ALDH9A1: variants seen among roughly 807,000 people sequenced by gnomAD.
ALDH9A1 encodes aldehyde dehydrogenase 9 family member A1.
Under a neutral mutation model 56.6 loss-of-function variants are expected in ALDH9A1, and 42 were observed. The observed-to-expected ratio is 0.74, with a 90% confidence interval of 0.58 to 0.96. ALDH9A1 has a LOEUF of 0.96. ALDH9A1 is among the 40% of genes least tolerant of loss of function. The pLI is 0.00. For missense variants in ALDH9A1, 661 were observed against 651.5 expected, an observed-to-expected ratio of 1.01 and a Z score of -0.16; for synonymous variants, 242 against 236.0, an observed-to-expected ratio of 1.03 and a Z score of -0.23.
intron 2 of ALDH9A1, among the ~76,000 whole-genome samples, chr1:165,690,118 A>C (rs1370038019): frequency 1.3e-5 from 1 of 78,938 alleles, no homozygotes; most frequent in African/African-American, 4.5e-5. Context: ...TATAATATAG[A>C]ATATATGTAT....
At chr1:165,688,386 A>T (rs1649778568) in intron 2 of ALDH9A1, among the ~76,000 whole-genome samples, 1 of 152,262 alleles carries the variant, frequency 6.6e-6, no homozygotes, top group Non-Finnish European at 1.5e-5. Flanking sequence ...ATGACAGCAG[A>T]CAGATATCTG....
Position 165,682,049 on chromosome 1 carries a change from G to A in ALDH9A1, c.592+58C>T, listed in dbSNP as rs775817339. The A allele has an allele frequency of 1.9e-6, 3 of 1,594,054 alleles. No individual in the cohort carries two copies. The African/African-American group carries it at 4.0e-5, about 21-fold the overall frequency. On this transcript the variant is annotated intron_variant, in intron 4 of 10. Coordinates refer to ENST00000354775, the MANE Select transcript of ALDH9A1 (RefSeq NM_000696.4). ...AGAGGTGAAAGGTAGAGAATGGGGAGAGAACGAACGAGAGAATGAACGAAT... is the reference window on the plus strand; with the variant it reads ...AGAGGTGAAAGGTAGAGAATGGGGAAAGAACGAACGAGAGAATGAACGAAT...
At chr1:165,674,253 C>A (rs1474008260) in intron 6 of ALDH9A1, among the ~76,000 whole-genome samples, 1 of 142,426 alleles carries the variant, frequency 7.0e-6, no homozygotes, top group African/African-American at 2.6e-5. Flanking sequence ...GCCCCTGGGG[C>A]AGCTCTGCCT....
intron 5 of ALDH9A1, 104 bp from the exon 6 acceptor site, chr1:165,679,686 C>G: frequency 8.2e-7 from 1 of 1,222,284 alleles, no homozygotes; most frequent in East Asian, 2.3e-5. Flanking sequence ...CTGTTTGTGA[C>G]CTGTAGCCTT....
chr1:165,683,989 C>T (rs565112648), intron 2 of ALDH9A1, among the ~76,000 whole-genome samples: 23 of 152,276 alleles, frequency 1.5e-4, no homozygotes, highest in African/African-American at 5.5e-4. Flanking sequence ...CAAGAAGGAA[C>T]ATTCTGTTTA....
At chr1:165,668,285 G>A (rs1444624424) in intron 8 of ALDH9A1, among the ~76,000 whole-genome samples, 1 of 152,144 alleles carries the variant, frequency 6.6e-6, no homozygotes, top group Non-Finnish European at 1.5e-5. Context: ...GGGTCACGGG[G>A]CAAATCCCTC....
intron 1 of ALDH9A1, 92 bp from the exon 2 acceptor site, chr1:165,695,489 T>A: frequency 1.0e-4 from 30 of 290,314 alleles, no homozygotes; most frequent in Non-Finnish European, 1.4e-4. Context: ...GTAGTAGTCT[T>A]TTTTTTTTTT....
In ALDH9A1 at chr1:165,694,054, G is replaced by T. The variant is rs4576644; in HGVS notation, c.327+1198C>A. Among the ~76,000 whole-genome samples, 6 of 143,212 alleles carry T rather than the reference G, an allele frequency of 4.2e-5. No individual in the cohort carries two copies. In the South Asian group the frequency reaches 7.2e-4, roughly 17 times the overall value. 94.0% of individuals were successfully genotyped at this position (143,212 alleles called of 152,430 possible). On this transcript the variant is annotated intron_variant, in intron 2 of 10. Coordinates refer to ENST00000354775, the MANE Select transcript of ALDH9A1 (RefSeq NM_000696.4). ...CACAGGGTGGGGAACATCACACACC[G>T]GGGCCGTAGGGGGTGGGGGGCTGGG...
intron 6 of ALDH9A1, chr1:165,671,491 T>G (rs1055392390): frequency 2.7e-5 from 12 of 448,548 alleles, no homozygotes; most frequent in African/African-American, 1.8e-4. Context: ...AATAAAATCT[T>G]AAGAATTCTT....
At position 165,669,550 on chromosome 1, in the gene ALDH9A1, CACTAT is replaced by C. The variant is rs1649112882; in HGVS notation, c.931-105_931-101del. Reference sequence around the variant, plus strand: ...CTAAAAACTTTAAACTGAAAAGAGACACTATACATTTTTTAAAAGGATATTTCCAT... The same window carrying C: ...CTAAAAACTTTAAACTGAAAAGAGACACATTTTTTAAAAGGATATTTCCAT... On this transcript the variant is annotated intron_variant, in intron 6 of 10. Transcript: ENST00000354775. The C allele has an allele frequency of 4.8e-6, 5 of 1,040,656 alleles. No homozygotes were observed. In the African/African-American group the frequency reaches 8.2e-5, roughly 17 times the overall value. The allele number at this position is 1,040,656 out of a possible 1,614,324, so 64.5% of individuals were successfully genotyped here. A position where few individuals can be genotyped will look rare whatever the true frequency, so the allele number is the denominator to read the frequency against.
At chr1:165,695,147 A>G (rs1650030020) in intron 2 of ALDH9A1, 105 bp downstream of exon 2, 2 of 1,299,758 alleles carry the variant, frequency 1.5e-6, no homozygotes, top group East Asian at 5.2e-5. Context: ...TTTCCATTTT[A>G]TAAAAACGTT....
chr1:165,678,826 G>A (rs1649451015), intron 6 of ALDH9A1, among the ~76,000 whole-genome samples: 1 of 152,094 alleles, frequency 6.6e-6, no homozygotes, highest in Non-Finnish European at 1.5e-5. Flanking sequence ...CCAAACTAAG[G>A]AACATTCTAC....
At chr1:165,687,075 T>C (rs922422213) in intron 2 of ALDH9A1, among the ~76,000 whole-genome samples, 1 of 151,746 alleles carries the variant, frequency 6.6e-6, no homozygotes, top group East Asian at 1.9e-4. Flanking sequence ...GATAAAACAC[T>C]ATAGAAGACC....
At chr1:165,665,605 AC>A (rs1648983164) in intron 9 of ALDH9A1, among the ~76,000 whole-genome samples, 1 of 152,240 alleles carries the variant, frequency 6.6e-6, no homozygotes, top group African/African-American at 2.4e-5. Context: ...GATAAAAAAA[AC>A]AGAATTAGAA....
intron 2 of ALDH9A1, among the ~76,000 whole-genome samples, chr1:165,690,867 G>A (rs574967699): frequency 6.6e-6 from 1 of 152,194 alleles, no homozygotes; most frequent in African/African-American, 2.4e-5. Flanking sequence ...CAGGAAGCTC[G>A]AACCGAGTGG....
At chr1:165,694,417 A>T (rs1361520464) in intron 2 of ALDH9A1, among the ~76,000 whole-genome samples, 3 of 152,096 alleles carry the variant, frequency 2.0e-5, no homozygotes, top group Admixed American at 1.3e-4. Context: ...ATGTTTTGCG[A>T]TGAGTATTAA....
At position 165,690,121 on chromosome 1, in the gene ALDH9A1, ATATG is replaced by A. The variant is rs529882853; in HGVS notation, c.327+5127_327+5130del. On this transcript the variant is annotated intron_variant, in intron 2 of 10. Coordinates refer to ENST00000354775, the MANE Select transcript of ALDH9A1 (RefSeq NM_000696.4). Reference sequence around the variant, plus strand: ...GTAATTTACAACTATAATATAGAATATATGTATATTATATAGATTATATATTATT... The same window carrying A: ...GTAATTTACAACTATAATATAGAATATATATTATATAGATTATATATTATT... Among the ~76,000 whole-genome samples, 7 of 146,352 alleles carry A rather than the reference ATATG, an allele frequency of 4.8e-5. No homozygotes were observed. In the South Asian group the frequency reaches 1.5e-3, roughly 32 times the overall value.
chr1:165,694,159 C>T (rs1649988020), intron 2 of ALDH9A1, among the ~76,000 whole-genome samples: 1 of 150,822 alleles, frequency 6.6e-6, no homozygotes, highest in East Asian at 1.9e-4. Context: ...ACTTGTATAC[C>T]TATGTATCAA....
At chr1:165,685,878 CTTTA>C (rs1649693949) in intron 2 of ALDH9A1, among the ~76,000 whole-genome samples, 1 of 152,166 alleles carries the variant, frequency 6.6e-6, no homozygotes, top group Non-Finnish European at 1.5e-5. Context: ...ACAATCTCTT[CTTTA>C]TTTAGATAGT....
Sources: allele counts gnomAD v4.1 joint callset (sites outside exome capture counted in the v4.1 genomes callset), GRCh38; gene constraint gnomAD v4.1.1; transcripts MANE v1.5; gene names NCBI Gene and HGNC (gene_info 2026-07-23, HGNC 2026-07-21).